Variants in CSMD1 observed in about 807,000 individuals in gnomAD.
CSMD1 encodes the protein CUB and Sushi multiple domains 1, also known as CUB and sushi domain-containing protein 1.
Under a neutral mutation model 417.5 loss-of-function variants are expected in CSMD1, and 213 were observed. The observed-to-expected ratio is 0.51, with a 90% CI of 0.46 to 0.57. CSMD1 has a LOEUF of 0.57. CSMD1 is among the 20% of genes least tolerant of loss of function. The pLI is 0.00. For synonymous variants in CSMD1, 2,862 were observed against 1,736.8 expected (o/e 1.65, Z -16.11); for missense variants, 6,923 against 4,529.7 (o/e 1.53, Z -15.17).
intron 10 of CSMD1, among the ~76,000 whole-genome samples, chr8:3,501,274 G>T (rs1043803631): frequency 6.6e-6 from 1 of 151,948 alleles, no homozygotes; most frequent in Non-Finnish European, 1.5e-5. Context: ...AAACACACAT[G>T]CACACACATA....
intron 6 of CSMD1, among the ~76,000 whole-genome samples, chr8:3,723,761 A>G (rs545846034): frequency 1.3e-5 from 2 of 152,202 alleles, no homozygotes; most frequent in Admixed American, 6.5e-5. Flanking sequence ...AGACACTAAC[A>G]TTTGAAAGAG....
At chr8:4,457,912 T>C (rs886998183) in intron 2 of CSMD1, among the ~76,000 whole-genome samples, 5 of 152,110 alleles carry the variant, frequency 3.3e-5, no homozygotes, top group Non-Finnish European at 5.9e-5. Flanking sequence ...CATTTTCCCA[T>C]ACACCATGGG....
intron 1 of CSMD1, among the ~76,000 whole-genome samples, chr8:4,763,052 TACA>T (rs1812220469): frequency 1.3e-5 from 2 of 152,088 alleles, no homozygotes; most frequent in Non-Finnish European, 2.9e-5. Context: ...ACTTCCAGGG[TACA>T]GCTGTAACAT....
chr8:4,719,198 G>A (rs7002001), intron 1 of CSMD1, among the ~76,000 whole-genome samples: 16,349 of 152,208 alleles, frequency 0.11, 1,516 homozygotes, highest in African/African-American at 0.25. Context: ...GAAAGTGCAG[G>A]GGTGGGGGAG....
intron 1 of CSMD1, among the ~76,000 whole-genome samples, chr8:4,827,748 T>G (rs1008045465): frequency 7.2e-5 from 11 of 152,316 alleles, no homozygotes; most frequent in Non-Finnish European, 1.2e-4. Flanking sequence ...CACTGTTATT[T>G]TCCCCCAAAG....
chr8:3,223,209 T>C (rs993297429), intron 28 of CSMD1, among the ~76,000 whole-genome samples: 16 of 152,224 alleles, frequency 1.1e-4, no homozygotes, highest in Admixed American at 2.0e-4. Context: ...GTTTAGCAAG[T>C]ACAAGTTAGC....
chr8:4,146,367 G>A lies in CSMD1; in HGVS notation c.416-114268C>T, dbSNP rs1022682442. Among the ~76,000 whole-genome samples the A allele has an allele frequency of 1.1e-4, 17 of 150,570 alleles. 3 individuals are homozygous for A. The highest frequency in any genetic ancestry group is 3.2e-4 in the African/African-American group (13 of 40,082). On this transcript the variant is annotated intron_variant, in intron 3 of 69. Transcript: ENST00000635120. The stretch of plus-strand genomic sequence containing the variant: ...TTCTGATAAGCTTCAGCCCAACATC[G>A]ACTTGCAGAGCTGGCAATTCGGGGT...
chr8:4,494,095 A>G (rs1328000408), intron 2 of CSMD1, among the ~76,000 whole-genome samples: 3 of 152,302 alleles, frequency 2.0e-5, no homozygotes, highest in South Asian at 2.1e-4. Context: ...AGGCTTCCAA[A>G]GGGAGGTGTA....
intron 2 of CSMD1, among the ~76,000 whole-genome samples, chr8:4,532,131 G>C (rs549223941): frequency 9.8e-5 from 11 of 112,046 alleles, no homozygotes; most frequent in African/African-American, 4.0e-4. Context: ...CTCCGGAAGA[G>C]AAATCCTGCA....
rs923264976 is a variant in CSMD1, at chr8:4,218,128, G to C, written c.416-186029C>G. 2.0e-5 allele frequency among the ~76,000 whole-genome samples: 3 copies of C among 152,150 alleles called. No homozygotes were observed. The South Asian group carries it at 6.2e-4, about 32-fold the overall frequency. Reference sequence around the variant, plus strand: ...ACATTGGCGATGACCTTGAACAGCAGGGTATAAGTAACTCCTACATGCTGA... The same window carrying C: ...ACATTGGCGATGACCTTGAACAGCACGGTATAAGTAACTCCTACATGCTGA... On this transcript the variant is annotated intron_variant, in intron 3 of 69. Transcript: ENST00000635120.
chr8:4,788,005 G>T (rs528151473), intron 1 of CSMD1: 4 of 1,590,450 alleles, frequency 2.5e-6, no homozygotes, highest in Non-Finnish European at 3.4e-6. Context: ...CAGTGTTATC[G>T]GGATCTCAAA....
intron 1 of CSMD1, among the ~76,000 whole-genome samples, chr8:4,799,992 A>G (rs1798190035): frequency 6.6e-6 from 1 of 152,198 alleles, no homozygotes; most frequent in African/African-American, 2.4e-5. Context: ...TAACATAAGA[A>G]AAGTTTGTAA....
chr8:4,391,849 G>C (rs1459194230), intron 3 of CSMD1, among the ~76,000 whole-genome samples: 1 of 152,136 alleles, frequency 6.6e-6, no homozygotes, highest in South Asian at 2.1e-4. Context: ...TGAGTCAATA[G>C]CCTCTGTTCT....
At chr8:3,594,566 C>A (rs549429950) in intron 8 of CSMD1, among the ~76,000 whole-genome samples, 1 of 152,190 alleles carries the variant, frequency 6.6e-6, no homozygotes, top group Admixed American at 6.5e-5. Flanking sequence ...ACCATGGAGG[C>A]TATCTCCTAC....
intron 1 of CSMD1, among the ~76,000 whole-genome samples, chr8:4,716,436 T>C (rs1253885721): frequency 6.6e-6 from 1 of 152,172 alleles, no homozygotes; most frequent in Non-Finnish European, 1.5e-5. Context: ...GACATCAAGA[T>C]TAATATCTGA....
intron 2 of CSMD1, among the ~76,000 whole-genome samples, chr8:4,629,574 T>C (rs1802384872): frequency 6.6e-6 from 1 of 152,232 alleles, no homozygotes; most frequent in Non-Finnish European, 1.5e-5. Context: ...GTTTGCCTTT[T>C]GAATGTTAAG....
intron 1 of CSMD1, among the ~76,000 whole-genome samples, chr8:4,640,417 G>A (rs747998810): frequency 6.6e-6 from 1 of 152,092 alleles, no homozygotes; most frequent in Non-Finnish European, 1.5e-5. Context: ...TGTTTGATTG[G>A]TGTAAGCCTA....
intron 3 of CSMD1, among the ~76,000 whole-genome samples, chr8:4,184,935 C>G (rs1173529818): frequency 6.6e-6 from 1 of 150,766 alleles, no homozygotes; most frequent in African/African-American, 2.5e-5. Context: ...GTCAGGAGTT[C>G]AAGACCAGCC....
At chr8:3,968,064 G>C (rs752921685) in intron 5 of CSMD1, among the ~76,000 whole-genome samples, 1 of 150,576 alleles carries the variant, frequency 6.6e-6, no homozygotes, top group African/African-American at 2.5e-5. Context: ...GCGGGCGCCT[G>C]TAGTCCCAGC....
Sources: gnomAD v4.1 joint callset for allele counts (sites outside exome capture counted in the v4.1 genomes callset) on GRCh38, gnomAD v4.1.1 for gene constraint, MANE v1.5 for transcripts, NCBI Gene and HGNC (gene_info 2026-07-23, HGNC 2026-07-21) for gene names.